ATP9B: variants seen among roughly 807,000 people sequenced by gnomAD.
The protein encoded by ATP9B is probable phospholipid-transporting ATPase IIB.
Under a neutral mutation model 146.1 loss-of-function variants are expected in ATP9B, and 110 were observed. That is an observed-to-expected ratio of 0.75 (90% CI 0.65 to 0.88). The LOEUF (loss-of-function observed/expected upper bound fraction) is 0.88, where lower values mean the gene tolerates loss of function less well. Among genes scored for constraint, ATP9B ranks in the 40% least tolerant of loss-of-function variants. The pLI is 0.00. For synonymous variants in ATP9B, 604 were observed against 569.7 expected (o/e 1.06, Z -0.86); for missense variants, 1,499 against 1,496.4 (o/e 1.00, Z -0.03).
At chr18:79,139,557 A>G (rs969528184) in intron 5 of ATP9B, among the ~76,000 whole-genome samples, 2 of 152,192 alleles carry the variant, frequency 1.3e-5, no homozygotes, top group African/African-American at 4.8e-5. Context: ...TTGTGAGTAC[A>G]TAGTAGGTAT....
At position 79,291,324 on chromosome 18, in the gene ATP9B, T is replaced by C. The variant is rs146676280; in HGVS notation, c.1412-12280T>C. 8.5e-5 allele frequency among the ~76,000 whole-genome samples: 13 copies of C among 152,296 alleles called. 1 individual carries two copies. The East Asian group carries it at 2.5e-3, about 29-fold the overall frequency. On this transcript the variant is annotated intron_variant, in intron 13 of 29. Transcript: ENST00000426216. ...TCCTCCCTTTTCCAAAGCTTCCAATTTGGGGGCATATTAATTTCTGTTGTA... is the reference window on the plus strand; with the variant it reads ...TCCTCCCTTTTCCAAAGCTTCCAATCTGGGGGCATATTAATTTCTGTTGTA...
intron 11 of ATP9B, among the ~76,000 whole-genome samples, chr18:79,232,494 TG>T (rs2095801797): frequency 6.6e-6 from 1 of 152,234 alleles, no homozygotes. Flanking sequence ...GACCAGCTCC[TG>T]GCAAGATGAA....
chr18:79,159,939 G>A (rs751981737), intron 7 of ATP9B, among the ~76,000 whole-genome samples: 3 of 152,156 alleles, frequency 2.0e-5, no homozygotes, highest in Non-Finnish European at 2.9e-5. Context: ...AGCCTGATGG[G>A]AGGTAGGTGG....
At chr18:79,371,422 A>G (rs2097069926) in intron 26 of ATP9B, among the ~76,000 whole-genome samples, 2 of 150,176 alleles carry the variant, frequency 1.3e-5, no homozygotes, top group South Asian at 2.1e-4. Context: ...TCTTCGTCAC[A>G]GTGAATTTGA....
chr18:79,336,741 C>T, intron 18 of ATP9B, 30 bp downstream of exon 18: 5 of 1,604,288 alleles, frequency 3.1e-6, no homozygotes, highest in Non-Finnish European at 4.3e-6. Context: ...TCCCATCCTC[C>T]TACGACGTTT....
chr18:79,200,549 A>G (rs1418162608), intron 9 of ATP9B, among the ~76,000 whole-genome samples: 1 of 152,236 alleles, frequency 6.6e-6, no homozygotes, highest in African/African-American at 2.4e-5. Flanking sequence ...AAGGTATGCC[A>G]GAAAAAAGCT....
intron 29 of ATP9B, 108 bp from the exon 30 acceptor site, chr18:79,377,139 G>A (rs553552488): frequency 2.6e-5 from 35 of 1,336,626 alleles, no homozygotes; most frequent in Middle Eastern, 1.9e-4. Flanking sequence ...TGATGTTTCC[G>A]TGGCAAGCTT....
At chr18:79,102,021 C>T (rs984212976) in intron 2 of ATP9B, among the ~76,000 whole-genome samples, 2 of 152,172 alleles carry the variant, frequency 1.3e-5, no homozygotes, top group African/African-American at 2.4e-5. Context: ...TCTTGGCTCA[C>T]TGCAACTTCC....
At chr18:79,364,663 T>G (rs191677894) in intron 26 of ATP9B, among the ~76,000 whole-genome samples, 65 of 152,316 alleles carry the variant, frequency 4.3e-4, no homozygotes, top group Non-Finnish European at 5.9e-4. Flanking sequence ...CAAAGAGTTT[T>G]TAATCATGAG....
chr18:79,360,577 T>C (rs2147842180), intron 26 of ATP9B: 1 of 152,334 alleles, frequency 6.6e-6, no homozygotes, highest in South Asian at 2.1e-4. Context: ...ACTGACAAAC[T>C]AGACTCTAGT....
chr18:79,121,902 G>A (rs773789399), intron 4 of ATP9B, among the ~76,000 whole-genome samples: 41 of 152,130 alleles, frequency 2.7e-4, no homozygotes, highest in South Asian at 4.1e-4. Context: ...TGAAGTGGGA[G>A]CTTAATTTCA....
intron 13 of ATP9B, among the ~76,000 whole-genome samples, chr18:79,281,845 G>C (rs1238746980): frequency 6.6e-6 from 1 of 152,234 alleles, no homozygotes; most frequent in Non-Finnish European, 1.5e-5. Context: ...CCAACATGGT[G>C]AAACCCTGTC....
intron 6 of ATP9B, among the ~76,000 whole-genome samples, chr18:79,151,727 GTTT>G (rs10707568): frequency 9.9e-5 from 14 of 141,818 alleles, no homozygotes; most frequent in South Asian, 9.1e-4. Flanking sequence ...ATGTAGAAGT[GTTT>G]TTTTTTTTTT....
intron 2 of ATP9B, among the ~76,000 whole-genome samples, chr18:79,108,631 G>A (rs550591): frequency 0.17 from 25,120 of 152,114 alleles, 2,579 homozygotes; most frequent in African/African-American, 0.28. Flanking sequence ...GGCTATCCCC[G>A]TGGCAGAGCA....
intron 15 of ATP9B, among the ~76,000 whole-genome samples, chr18:79,318,478 G>A (rs1002806707): frequency 5.3e-5 from 8 of 152,222 alleles, no homozygotes; most frequent in Non-Finnish European, 1.2e-4. Context: ...TCTCAAAACT[G>A]TGGAGGTCAT....
chr18:79,308,746 C>T (rs78894654), intron 15 of ATP9B, among the ~76,000 whole-genome samples: 13 of 100,392 alleles, frequency 1.3e-4, no homozygotes, highest in African/African-American at 5.3e-4. Context: ...AGGTCAGGGG[C>T]TGAGGAGTGA....
chr18:79,311,557 G>A lies in ATP9B; in HGVS notation c.1773+4323G>A, dbSNP rs146397516. On this transcript the variant is annotated intron_variant, in intron 15 of 29. Coordinates refer to ENST00000426216, the MANE Select transcript of ATP9B (RefSeq NM_198531.5). Reference sequence around the variant, plus strand: ...CTTATTTAAAACTTTAGTTACATAGGCATTTTTCTTTTTGTTGTTTAGTCA... The same window carrying A: ...CTTATTTAAAACTTTAGTTACATAGACATTTTTCTTTTTGTTGTTTAGTCA... Among the ~76,000 whole-genome samples, 40 of 152,150 alleles carry A rather than the reference G, an allele frequency of 2.6e-4. No individual in the cohort carries two copies. The East Asian group carries it at 7.3e-3, about 28-fold the overall frequency.
At chr18:79,249,267 T>TTATTG (rs1331078964) in intron 11 of ATP9B, among the ~76,000 whole-genome samples, 2 of 152,196 alleles carry the variant, frequency 1.3e-5, no homozygotes, top group African/African-American at 4.8e-5. Context: ...ATACAGGCAA[T>TTATTG]TATTGTGTTC....
At chr18:79,336,785 T>C (rs2147256314) in intron 18 of ATP9B, 74 bp downstream of exon 18, 3 of 1,459,396 alleles carry the variant, frequency 2.1e-6, no homozygotes, top group Non-Finnish European at 9.5e-7. Flanking sequence ...CTTCCTGTCT[T>C]TGTATGAAAT....
Sources: gnomAD v4.1 joint callset for allele counts (sites outside exome capture counted in the v4.1 genomes callset) on GRCh38, gnomAD v4.1.1 for gene constraint, MANE v1.5 for transcripts, NCBI Gene and HGNC (gene_info 2026-07-23, HGNC 2026-07-21) for gene names.